Variants in PLG observed in about 807,000 individuals in gnomAD.
The protein encoded by PLG is plasmin.
Under a neutral mutation model 104.4 loss-of-function variants are expected in PLG, and 41 were observed. That is an observed-to-expected ratio of 0.39 (90% CI 0.31 to 0.51). The LOEUF is 0.51. Ranked by LOEUF, PLG falls within the 20% of genes least tolerant of loss-of-function variation. The pLI, the probability that PLG is intolerant of heterozygous loss-of-function variation, is 0.76. For missense variants in PLG, 891 were observed against 1,003.6 expected, an observed-to-expected ratio of 0.89 and a Z score of 1.52; for synonymous variants, 337 against 357.1, an observed-to-expected ratio of 0.94 and a Z score of 0.63.
chr6:160,707,837 T>A, intron 3 of PLG, 31 bp downstream of exon 3: 1 of 1,441,750 alleles, frequency 6.9e-7, no homozygotes, highest in Non-Finnish European at 9.8e-7. Context: ...CTCCTCCTAC[T>A]GTCCTCCCCA....
At chr6:160,748,486 T>C (rs941531834) in intron 17 of PLG, among the ~76,000 whole-genome samples, 1 of 49,796 alleles carries the variant, frequency 2.0e-5, no homozygotes, top group East Asian at 5.5e-4. Flanking sequence ...GAAGGGTGGG[T>C]GGGTTGTGAA....
At chr6:160,711,891 G>A (rs1164859278) in intron 4 of PLG, 3 of 1,376,006 alleles carry the variant, frequency 2.2e-6, no homozygotes, top group African/African-American at 1.5e-5. Flanking sequence ...AAATTCAAAT[G>A]TTGCAACTTG....
intron 17 of PLG, among the ~76,000 whole-genome samples, chr6:160,749,642 CACT>C (rs1338576686): frequency 3.3e-5 from 5 of 150,616 alleles, no homozygotes; most frequent in East Asian, 3.9e-4. Flanking sequence ...TCACCACCAC[CACT>C]ACCACCACCA....
At chr6:160,750,967 A>T (rs1240904787) in intron 17 of PLG, among the ~76,000 whole-genome samples, 1 of 151,540 alleles carries the variant, frequency 6.6e-6, no homozygotes, top group Non-Finnish European at 1.5e-5. Context: ...AAAGGCAGAA[A>T]TACAACTAGA....
Position 160,714,878 on chromosome 6 carries a change from C to A in PLG, c.632C>A (p.Ser211Tyr), listed in dbSNP as rs757465792. The change falls in exon 6 of 19, where the codon TCT (serine) becomes TAT (tyrosine). Residue 211 changes from serine (S) to tyrosine (Y), a missense_variant. Around this residue, in one of 2 missense-constraint regions of PLG, gnomAD observed 854 missense variants for 932.1 expected, o/e 0.92. Coordinates refer to ENST00000308192, the MANE Select transcript of PLG (RefSeq NM_000301.5). The stretch of plus-strand genomic sequence containing the variant: ...GGACTGGAATGCCAGGCCTGGGACT[C>A]TCAGAGCCCACACGCTCATGGATAC... ...MSGLECQAWDSQSPHAHGYIP... is the reference protein window; with the variant it reads ...MSGLECQAWDYQSPHAHGYIP... 6.2e-7 allele frequency: 1 copy of A among 1,613,886 alleles called. No individual in the cohort carries two copies. Among genetic ancestry groups the A allele is most frequent in the Non-Finnish European group, 8.5e-7 (1 of 1,179,800 alleles).
At chr6:160,745,920 G>C (rs959421845) in intron 17 of PLG, among the ~76,000 whole-genome samples, 1 of 152,096 alleles carries the variant, frequency 6.6e-6, no homozygotes, top group African/African-American at 2.4e-5. Context: ...TGAAATTCTT[G>C]GGTGGATATT....
chr6:160,728,591 T>G (rs916496229), intron 10 of PLG, among the ~76,000 whole-genome samples: 1 of 152,060 alleles, frequency 6.6e-6, no homozygotes. Flanking sequence ...CAGAAACAGA[T>G]CCACATATAC....
In PLG at chr6:160,718,338, G is replaced by A; in HGVS notation, c.832G>A (p.Gly278Arg). ...TGGTCCCACCTACCAGTGTCTGAAG[G>A]GAACAGGTGAAAACTATCGCGGGAA... ...SSGPTYQCLKGTGENYRGNVA... is the reference protein window; with the variant it reads ...SSGPTYQCLKRTGENYRGNVA... The change falls in exon 8 of 19, where the codon GGA becomes AGA. Residue 278 changes from glycine (G) to arginine (R), a missense_variant. Gly to Arg is a moderately radical substitution (Grantham distance 125). This residue lies in a region of PLG where 854 missense variants were observed against 932.1 expected (regional missense o/e 0.92). Transcript: ENST00000308192. 2 of 1,614,046 alleles carry A rather than the reference G, an allele frequency of 1.2e-6. No homozygotes were observed. The highest frequency in any genetic ancestry group is 1.7e-6 in the Non-Finnish European group (2 of 1,179,902).
chr6:160,733,851 A>G (rs1944349895), intron 12 of PLG, 144 bp from the exon 13 acceptor site: 3 of 171,830 alleles, frequency 1.7e-5, no homozygotes, highest in African/African-American at 1.7e-4. Context: ...CCTCAGAAAA[A>G]AAAAAAAAAA....
At chr6:160,714,646 T>C in intron 5 of PLG, 148 bp from the exon 6 acceptor site, 1 of 412,926 alleles carries the variant, frequency 2.4e-6, no homozygotes, top group Non-Finnish European at 4.9e-6. Context: ...TTATTGCCAA[T>C]TTTATTGCCA....
chr6:160,707,977 GA>G (rs1777563671), intron 3 of PLG, 171 bp downstream of exon 3: 1 of 637,184 alleles, frequency 1.6e-6, no homozygotes, highest in Non-Finnish European at 2.8e-6. Flanking sequence ...ATGTCAGCTT[GA>G]GTGTATTACT....
Position 160,737,149 on chromosome 6 carries a change from T to G in PLG, c.1802+142T>G. 1.2e-6 allele frequency: 1 copy of G among 855,048 alleles called. No individual in the cohort carries two copies. Among genetic ancestry groups the G allele is most frequent in the Non-Finnish European group, 1.7e-6 (1 of 574,350 alleles). The allele number at this position is 855,048 out of a possible 1,614,324, so 53.0% of individuals were successfully genotyped here. A position where few individuals can be genotyped will look rare whatever the true frequency, so the allele number is the denominator to read the frequency against. On this transcript the variant is annotated intron_variant, in intron 14 of 18. Coordinates refer to ENST00000308192, the MANE Select transcript of PLG (RefSeq NM_000301.5). This position sits in a 1 kb window ranked among gnomAD's most constrained non-coding sequence, Gnocchi z 4.7. ...TGAAGGAGGAAAAAAGCTACAAAAA[T>G]TAATATATGTATATATACATATATA...
At chr6:160,712,868 G>C (rs1739202240) in intron 4 of PLG, 118 bp from the exon 5 acceptor site, 1 of 811,422 alleles carries the variant, frequency 1.2e-6, no homozygotes, top group Admixed American at 1.7e-5. Flanking sequence ...GCAGCACCCA[G>C]CTGAAATGCA....
In PLG at chr6:160,724,214, A is replaced by C. The variant is rs9456577; in HGVS notation, c.1256+1647A>C. On this transcript the variant is annotated intron_variant, in intron 10 of 18. Transcript: ENST00000308192. The surrounding 1 kb of genome is among the most constrained non-coding windows in gnomAD (Gnocchi z 5.0). ...TATATATATATCATAATTGTGTTCA[A>C]GGATTTAAATAAAACATGAACATGG... Among the ~76,000 whole-genome samples, 3,487 of 152,322 alleles carry C rather than the reference A, an allele frequency of 0.023. 66 individuals are homozygous for C. Among genetic ancestry groups the C allele is most frequent in the East Asian group, 0.087 (449 of 5,188 alleles).
intron 6 of PLG, among the ~76,000 whole-genome samples, chr6:160,716,435 C>T (rs1169118267): frequency 6.6e-6 from 1 of 152,114 alleles, no homozygotes; most frequent in Non-Finnish European, 1.5e-5. Context: ...GACCCTGTCT[C>T]TAAAAACAAA....
At chr6:160,716,369 G>A (rs183829687) in intron 6 of PLG, among the ~76,000 whole-genome samples, 22 of 152,296 alleles carry the variant, frequency 1.4e-4, no homozygotes, top group African/African-American at 5.3e-4. Context: ...GGGCTGAAGC[G>A]GGAGGATTGC....
intron 9 of PLG, among the ~76,000 whole-genome samples, chr6:160,720,249 T>A (rs1041912686): frequency 7.9e-5 from 12 of 152,186 alleles, no homozygotes; most frequent in Non-Finnish European, 1.8e-4. Context: ...ATAGGTCATT[T>A]TTCTCTGACT....
At chr6:160,704,217 G>A (rs1165472799) in intron 1 of PLG, among the ~76,000 whole-genome samples, 1 of 152,176 alleles carries the variant, frequency 6.6e-6, no homozygotes, top group Non-Finnish European at 1.5e-5. Flanking sequence ...TCCTAGAGGT[G>A]AATAAGAGAA....
chr6:160,710,843 C>T lies in PLG; in HGVS notation c.293-234C>T, dbSNP rs373473031. 5.6e-4 allele frequency among the ~76,000 whole-genome samples: 85 copies of T among 152,318 alleles called. No homozygotes were observed. The East Asian group carries it at 0.015, about 27-fold the overall frequency. The stretch of plus-strand genomic sequence containing the variant: ...TGGCTGCACTGTGCCCCGTGTGTCC[C>T]CAGCATCCTGGTGGGGCTCGATACA... On this transcript the variant is annotated intron_variant, in intron 3 of 18. Transcript: ENST00000308192.
Sources: allele counts gnomAD v4.1 joint callset (sites outside exome capture counted in the v4.1 genomes callset), GRCh38; gene constraint gnomAD v4.1.1; regional missense constraint gnomAD v4.1.1; non-coding constraint Gnocchi (gnomAD v3.1); transcripts MANE v1.5; gene names NCBI Gene and HGNC (gene_info 2026-07-23, HGNC 2026-07-21).